Variants in NEU3 observed in about 807,000 individuals in gnomAD.
NEU3 encodes neuraminidase 3.
A neutral mutation model predicts 11.4 loss-of-function variants in NEU3; 10 were observed. The observed-to-expected ratio is 0.88, with a 90% CI of 0.54 to 1.49. The LOEUF (loss-of-function observed/expected upper bound fraction) is 1.49. Among genes scored for constraint, NEU3 ranks in the 40% most tolerant of loss-of-function variants. NEU3 has a pLI of 0.00. For missense variants in NEU3, 529 were observed against 581.8 expected, an observed-to-expected ratio of 0.91 and a Z score of 0.93; for synonymous variants, 212 against 228.2, an observed-to-expected ratio of 0.93 and a Z score of 0.64.
downstream of NEU3, among the ~76,000 whole-genome samples, chr11:75,014,895 C>T (rs1166608012): frequency 1.3e-5 from 2 of 151,954 alleles, no homozygotes; most frequent in Non-Finnish European, 2.9e-5. Flanking sequence ...AATAAAAATA[C>T]CTTTTATCTC....
the NEU3 span, among the ~76,000 whole-genome samples, chr11:74,981,115 G>A: frequency 1.3e-5 from 2 of 152,316 alleles, no homozygotes; most frequent in South Asian, 2.1e-4. Flanking sequence ...GTCATGCCAG[G>A]CTTAGACCCA....
rs1565499018 is a variant in NEU3 at position 75,008,872 on chromosome 11, A to G, written c.*2380A>G. On this transcript the variant is annotated 3_prime_UTR_variant, in exon 3 of 3. Transcript: ENST00000294064. ...CCCAGCCGAGAATATCAACTTCTTT[A>G]GGACTACTCAAGAAGGGAGTCAAGG... is the stretch of plus-strand genomic sequence containing the variant. 1 of 152,048 alleles carries G rather than the reference A, an allele frequency of 6.6e-6. No homozygotes were observed. The highest frequency in any genetic ancestry group is 1.5e-5 in the Non-Finnish European group (1 of 68,044). 9.4% of individuals were successfully genotyped at this position (152,048 alleles called of 1,614,324 possible). A position where few individuals can be genotyped will look rare whatever the true frequency, so the allele number is the denominator to read the frequency against.
Position 75,008,568 on chromosome 11 carries a change from T to G in NEU3, c.*2076T>G, listed in dbSNP as rs2140254325. 6.6e-6 allele frequency: 1 copy of G among 152,160 alleles called. No homozygotes were observed. Among genetic ancestry groups the G allele is most frequent in the African/African-American group, 2.4e-5 (1 of 41,460 alleles). The allele number at this position is 152,160 out of a possible 1,614,324, so 9.4% of individuals were successfully genotyped here. A position where few individuals can be genotyped will look rare whatever the true frequency, so the allele number is the denominator to read the frequency against. On this transcript the variant is annotated 3_prime_UTR_variant, in exon 3 of 3. Transcript: ENST00000294064. ...GAGAATATCAACTTCTTTTTTTTTTTTTTTGAGACAGAATCTCACTCTGTC... is the reference window on the plus strand; with the variant it reads ...GAGAATATCAACTTCTTTTTTTTTTGTTTTGAGACAGAATCTCACTCTGTC...
rs1007580277 is a variant in NEU3 at position 75,007,034 on chromosome 11, A to G, written c.*542A>G. ...TAACAAAAATATCCACACCCTTTTA[A>G]TAATGCTCAGTTCTGTAGGCTCTCT... On this transcript the variant is annotated 3_prime_UTR_variant, in exon 3 of 3. Transcript: ENST00000294064. 7.0e-4 allele frequency: 44 copies of G among 62,628 alleles called. No homozygotes were observed. Among genetic ancestry groups the G allele is most frequent in the Non-Finnish European group, 1.6e-3 (38 of 23,522 alleles). The allele number at this position is 62,628 out of a possible 1,614,324, so 3.9% of individuals were successfully genotyped here. A position where few individuals can be genotyped will look rare whatever the true frequency, so the allele number is the denominator to read the frequency against.
rs372394703 is a variant in NEU3, at chr11:75,006,061, T to C, written c.955T>C (p.Phe319Leu). 1.2e-6 allele frequency: 2 copies of C among 1,613,836 alleles called. No individual in the cohort carries two copies. The highest frequency in any genetic ancestry group is 8.5e-7 in the Non-Finnish European group (1 of 1,179,892). Reference sequence around the variant, plus strand: ...TGGTTGCCAAGGGAGTGTGGTAAGTTTCCGGCCCCTGGAGATCCCACATAG... The same window carrying C: ...TGGTTGCCAAGGGAGTGTGGTAAGTCTCCGGCCCCTGGAGATCCCACATAG... ...PHGCQGSVVS[F>L]RPLEIPHRCQ... The change falls in exon 3 of 3, where the codon TTC becomes CTC. Residue 319 changes from phenylalanine to leucine, a missense_variant. Transcript: ENST00000294064.
chr11:75,012,486 C>A (rs1948962376), downstream of NEU3, among the ~76,000 whole-genome samples: 1 of 152,192 alleles, frequency 6.6e-6, no homozygotes, highest in Non-Finnish European at 1.5e-5. Context: ...ATGATGCAGC[C>A]TCTTTAAAGT....
In NEU3 at chr11:75,007,748, C is replaced by T. The variant is rs1591762901; in HGVS notation, c.*1256C>T. 1.3e-5 allele frequency: 2 copies of T among 152,114 alleles called. No homozygotes were observed. Among genetic ancestry groups the T allele is most frequent in the African/African-American group, 4.8e-5 (2 of 41,408 alleles). 9.4% of individuals were successfully genotyped at this position (152,114 alleles called of 1,614,324 possible). On this transcript the variant is annotated 3_prime_UTR_variant, in exon 3 of 3. Coordinates refer to ENST00000294064, the MANE Select transcript of NEU3 (RefSeq NM_006656.6). ...ATGCTGAGTCTCTCAGATGATACCA[C>T]GTTGGTTGTTCCTATCTTAGATTGT...
At chr11:74,997,620 C>T (rs1031189473) in intron 2 of NEU3, among the ~76,000 whole-genome samples, 5 of 146,454 alleles carry the variant, frequency 3.4e-5, no homozygotes, top group East Asian at 2.0e-4. Context: ...CCAAGGTAGG[C>T]GGATCACGAG....
downstream of NEU3, chr11:75,010,999 T>A (rs1015833604): frequency 5.3e-5 from 8 of 152,174 alleles, no homozygotes; most frequent in African/African-American, 1.9e-4. Flanking sequence ...TTTGAGGCAA[T>A]TTCTTGGTTT....
rs777441967 is a variant in NEU3, at chr11:75,005,923, C to G, written c.817C>G (p.Leu273Val). 35 of 1,613,532 alleles carry G rather than the reference C, an allele frequency of 2.2e-5. No homozygotes were observed. Among genetic ancestry groups the G allele is most frequent in the Admixed American group, 8.3e-5 (5 of 60,012 alleles). The change falls in exon 3 of 3, where the codon CTA becomes GTA. Residue 273 changes from leucine to valine, a missense_variant. Transcript: ENST00000294064. ...EVTGRAGHPV[L>V]YCSARTPNRC... ...GACTGGGAGGGCTGGCCACCCTGTG[C>G]TATATTGCAGTGCCCGGACACCAAA...
chr11:74,996,724 C>A (rs1429211504), intron 2 of NEU3, among the ~76,000 whole-genome samples: 1 of 152,142 alleles, frequency 6.6e-6, no homozygotes, highest in Non-Finnish European at 1.5e-5. Flanking sequence ...CTATCTATGG[C>A]AACTATAGTC....
chr11:74,995,312 A>G lies in NEU3; in HGVS notation c.306+592A>G, dbSNP rs186401274. ...TATTATCCCCATTTTGCAGGAGGCA[A>G]CCAGGCCTGAGAATTAAGGTCATTT... On this transcript the variant is annotated intron_variant, in intron 2 of 2. Coordinates refer to ENST00000294064, the MANE Select transcript of NEU3 (RefSeq NM_006656.6). Among the ~76,000 whole-genome samples, 439 of 152,236 alleles carry G rather than the reference A, an allele frequency of 2.9e-3. 2 individuals carry two copies. The highest frequency in any genetic ancestry group is 0.01 in the Middle Eastern group (3 of 294).
At chr11:75,016,466 G>T (rs747922511) in intron 3 of NEU3, among the ~76,000 whole-genome samples, 1 of 152,178 alleles carries the variant, frequency 6.6e-6, no homozygotes, top group Non-Finnish European at 1.5e-5. Context: ...GTTGAATTAT[G>T]GTTATAGGCC....
chr11:74,995,813 TA>T (rs1455357196), intron 2 of NEU3, among the ~76,000 whole-genome samples: 23 of 151,570 alleles, frequency 1.5e-4, no homozygotes, highest in Admixed American at 9.9e-4. Flanking sequence ...TTATTATTAT[TA>T]TTATTTTTCT....
chr11:74,991,855 T>A (rs932200022), intron 1 of NEU3, among the ~76,000 whole-genome samples: 4 of 152,176 alleles, frequency 2.6e-5, no homozygotes, highest in Non-Finnish European at 5.9e-5. Flanking sequence ...TCAACAAAAA[T>A]TTGTTGAGTG....
the NEU3 span, among the ~76,000 whole-genome samples, chr11:74,982,560 G>A: frequency 6.6e-5 from 10 of 152,116 alleles, no homozygotes; most frequent in Admixed American, 2.6e-4. Flanking sequence ...TCTCTCTACA[G>A]CTTTAAGGAA....
chr11:74,992,977 C>G lies in NEU3; in HGVS notation c.95-1532C>G, dbSNP rs144802306. ...CTCCGTCTCAAAAGAAAAAAAATAA[C>G]AAAGCCCTTTATAGCTGAATTTGCA... On this transcript the variant is annotated intron_variant, in intron 1 of 2. Coordinates refer to ENST00000294064, the MANE Select transcript of NEU3 (RefSeq NM_006656.6). 5.3e-3 allele frequency among the ~76,000 whole-genome samples: 800 copies of G among 152,096 alleles called. 5 individuals carry two copies. The highest frequency in any genetic ancestry group is 0.018 in the African/African-American group (757 of 41,502).
At chr11:74,996,157 C>G (rs971553126) in intron 2 of NEU3, among the ~76,000 whole-genome samples, 1 of 151,964 alleles carries the variant, frequency 6.6e-6, no homozygotes, top group African/African-American at 2.4e-5. Context: ...CTGTCTACCC[C>G]CAACAAGAAA....
At chr11:74,993,446 C>T (rs1040799375) in intron 1 of NEU3, among the ~76,000 whole-genome samples, 5 of 152,114 alleles carry the variant, frequency 3.3e-5, no homozygotes, top group African/African-American at 4.8e-5. Context: ...CCTCGTGATC[C>T]GCCCACCTTG....
Sources: gnomAD v4.1 joint callset for allele counts (sites outside exome capture counted in the v4.1 genomes callset) on GRCh38, gnomAD v4.1.1 for gene constraint, MANE v1.5 for transcripts, NCBI Gene and HGNC (gene_info 2026-07-23, HGNC 2026-07-21) for gene names.